The following GALNT7 variants were observed in gnomAD, a reference collection of about 807,000 sequenced individuals.
GALNT7 encodes N-acetylgalactosaminyltransferase 7.
GALNT7 carries 60 observed loss-of-function variants against 82.1 expected under a neutral mutation model. The ratio of observed to expected loss-of-function variants is 0.73; its 90% CI spans 0.59 to 0.91. The LOEUF (loss-of-function observed/expected upper bound fraction) is 0.91, where lower values mean the gene tolerates loss of function less well. GALNT7 is among the 40% of genes least tolerant of loss of function. The probability of loss-of-function intolerance (pLI) is 0.00; values close to 1 mark genes in which losing one functional copy is unlikely to be tolerated. For missense variants in GALNT7, 660 were observed against 804.2 expected (o/e 0.82, Z 2.17); for synonymous variants, 243 against 275.1 (o/e 0.88, Z 1.15).
chr4:173,243,900 G>A (rs1734521396), intron 1 of GALNT7, among the ~76,000 whole-genome samples: 1 of 152,112 alleles, frequency 6.6e-6, no homozygotes. Flanking sequence ...TCTTTTCGGA[G>A]TCTATCTTAC....
At chr4:173,215,761 A>C (rs1733426418) in intron 1 of GALNT7, among the ~76,000 whole-genome samples, 1 of 152,170 alleles carries the variant, frequency 6.6e-6, no homozygotes, top group South Asian at 2.1e-4. Flanking sequence ...TCCAGTAATT[A>C]AGATTGAGCT....
intron 2 of GALNT7, among the ~76,000 whole-genome samples, chr4:173,288,079 C>T (rs373322452): frequency 8.6e-5 from 13 of 151,482 alleles, no homozygotes; most frequent in South Asian, 4.2e-4. Context: ...GTCAGGAGAT[C>T]GAGACCATCC....
At chr4:173,239,164 G>A (rs1007743862) in intron 1 of GALNT7, among the ~76,000 whole-genome samples, 2 of 152,182 alleles carry the variant, frequency 1.3e-5, no homozygotes, top group Admixed American at 1.3e-4. Flanking sequence ...ATCCAAATCT[G>A]AGGAAGAGAA....
intron 1 of GALNT7, among the ~76,000 whole-genome samples, chr4:173,229,078 C>T (rs1733936430): frequency 6.6e-6 from 1 of 152,120 alleles, no homozygotes; most frequent in African/African-American, 2.4e-5. Flanking sequence ...TGTGTTTTTG[C>T]AAAATCACAA....
At chr4:173,269,755 T>G (rs1735653967) in intron 2 of GALNT7, among the ~76,000 whole-genome samples, 3 of 152,206 alleles carry the variant, frequency 2.0e-5, no homozygotes. Context: ...AGAAGTAATT[T>G]AAATTCTTTC....
chr4:173,171,183 A>C (rs1446125874), intron 1 of GALNT7, among the ~76,000 whole-genome samples: 1 of 152,216 alleles, frequency 6.6e-6, no homozygotes, highest in Non-Finnish European at 1.5e-5. Flanking sequence ...GAGCATAAAT[A>C]AGGGATTATT....
At chr4:173,293,977 T>C (rs576546821) in intron 3 of GALNT7, among the ~76,000 whole-genome samples, 1 of 152,276 alleles carries the variant, frequency 6.6e-6, no homozygotes, top group South Asian at 2.1e-4. Flanking sequence ...CTGCAGTCAG[T>C]GGGTTAGGGA....
rs910188916 is a variant in GALNT7, at chr4:173,322,317, A to G, written c.*600A>G. On this transcript the variant is annotated 3_prime_UTR_variant, in exon 12 of 12. Coordinates refer to ENST00000265000, the MANE Select transcript of GALNT7 (RefSeq NM_017423.3). ...TTGTGATGAAATCTATAGGATGGTA[A>G]TGATGGACTTGTCACCTGTATGGGG... 1 of 152,756 alleles carries G rather than the reference A, an allele frequency of 6.5e-6. No individual in the cohort carries two copies. Among genetic ancestry groups the G allele is most frequent in the Non-Finnish European group, 1.5e-5 (1 of 68,118 alleles). The allele number at this position is 152,756 out of a possible 1,614,324, so 9.5% of individuals were successfully genotyped here.
intron 1 of GALNT7, among the ~76,000 whole-genome samples, chr4:173,215,473 C>T (rs1045061115): frequency 6.6e-5 from 10 of 151,976 alleles, no homozygotes; most frequent in African/African-American, 2.2e-4. Context: ...TCAGGTGATC[C>T]GCTGCCTCGG....
intron 2 of GALNT7, among the ~76,000 whole-genome samples, chr4:173,289,159 A>G (rs1055688970): frequency 2.3e-4 from 35 of 152,160 alleles, no homozygotes; most frequent in African/African-American, 8.2e-4. Flanking sequence ...ATCCCATGCA[A>G]TGTCTGGGCC....
Position 173,302,194 on chromosome 4 carries a change from T to TC in GALNT7, c.1266+32dup. On this transcript the variant is annotated intron_variant, in intron 7 of 11. Transcript: ENST00000265000. The surrounding 1 kb of genome is among the most constrained non-coding windows in gnomAD (Gnocchi z 4.2). ...CATTTTATTTCAACAGATGGAATTC[T>TC]CCAAGTCGTTACTAACTTCTGTGGC... 1 of 967,490 alleles carries TC rather than the reference T, an allele frequency of 1.0e-6. No individual in the cohort carries two copies. The highest frequency in any genetic ancestry group is 1.7e-6 in the Non-Finnish European group (1 of 591,740). The allele number at this position is 967,490 out of a possible 1,614,324, so 59.9% of individuals were successfully genotyped here. A position where few individuals can be genotyped will look rare whatever the true frequency, so the allele number is the denominator to read the frequency against.
At chr4:173,250,006 C>G (rs111654077) in intron 2 of GALNT7, among the ~76,000 whole-genome samples, 2 of 152,276 alleles carry the variant, frequency 1.3e-5, no homozygotes, top group African/African-American at 4.8e-5. Context: ...AAGGGACTTT[C>G]TGCTGCAGGC....
intron 2 of GALNT7, among the ~76,000 whole-genome samples, chr4:173,271,293 C>CT (rs1735712669): frequency 6.6e-6 from 1 of 151,952 alleles, no homozygotes; most frequent in Non-Finnish European, 1.5e-5. Flanking sequence ...GTTCCATTCA[C>CT]TTGTAGTTGT....
chr4:173,277,536 G>A (rs1735957826), intron 2 of GALNT7, among the ~76,000 whole-genome samples: 1 of 152,154 alleles, frequency 6.6e-6, no homozygotes, highest in East Asian at 1.9e-4. Context: ...AGTCCATTTT[G>A]ATGGCCTAGG....
At chr4:173,177,390 G>A (rs1003820125) in intron 1 of GALNT7, among the ~76,000 whole-genome samples, 1 of 152,116 alleles carries the variant, frequency 6.6e-6, no homozygotes, top group African/African-American at 2.4e-5. Flanking sequence ...TAACCAGGTC[G>A]ATGGAGCTCA....
At chr4:173,285,704 A>T (rs1180136793) in intron 2 of GALNT7, among the ~76,000 whole-genome samples, 1 of 152,230 alleles carries the variant, frequency 6.6e-6, no homozygotes, top group Non-Finnish European at 1.5e-5. Flanking sequence ...CACATGTATG[A>T]CTACACAGAC....
At chr4:173,186,132 T>A (rs1205220054) in intron 1 of GALNT7, among the ~76,000 whole-genome samples, 2 of 152,200 alleles carry the variant, frequency 1.3e-5, no homozygotes, top group Non-Finnish European at 2.9e-5. Context: ...GTCTGAAGGA[T>A]GAGTGGGTCT....
intron 2 of GALNT7, among the ~76,000 whole-genome samples, chr4:173,249,531 G>C (rs1198621482): frequency 6.6e-6 from 1 of 152,190 alleles, no homozygotes; most frequent in Non-Finnish European, 1.5e-5. Context: ...ACAGAGAACA[G>C]TCAGAGCATC....
intron 11 of GALNT7, among the ~76,000 whole-genome samples, chr4:173,319,315 G>C (rs1260965492): frequency 3.9e-5 from 6 of 152,072 alleles, no homozygotes; most frequent in Non-Finnish European, 8.8e-5. Context: ...TACTCACCCA[G>C]TATTTGTTAT....
Sources: gnomAD v4.1 joint callset for allele counts (sites outside exome capture counted in the v4.1 genomes callset) on GRCh38, gnomAD v4.1.1 for gene constraint, Gnocchi (gnomAD v3.1) non-coding constraint, MANE v1.5 for transcripts, NCBI Gene and HGNC (gene_info 2026-07-23, HGNC 2026-07-21) for gene names.